The following TMEM131L variants were observed in gnomAD, a reference collection of about 807,000 sequenced individuals.
TMEM131L encodes the protein transmembrane protein 131-like.
Under a neutral mutation model 192.2 loss-of-function variants are expected in TMEM131L, and 54 were observed. The observed-to-expected ratio is 0.28, with a 90% confidence interval of 0.23 to 0.35. The LOEUF (loss-of-function observed/expected upper bound fraction) is 0.35. Among genes scored for constraint, TMEM131L ranks in the 10% least tolerant of loss-of-function variants. The pLI, the probability that TMEM131L is intolerant of heterozygous loss-of-function variation, is 1.00. For synonymous variants in TMEM131L, 701 were observed against 704.9 expected, an observed-to-expected ratio of 0.99 and a Z score of 0.09; for missense variants, 1,888 against 1,972.9, an observed-to-expected ratio of 0.96 and a Z score of 0.82.
chr4:153,549,291 T>A (rs1485733326), intron 3 of TMEM131L, among the ~76,000 whole-genome samples: 1 of 152,222 alleles, frequency 6.6e-6, no homozygotes, highest in Admixed American at 6.5e-5. Flanking sequence ...TTGGAAAGCT[T>A]GTTCCAGTCT....
intron 19 of TMEM131L, among the ~76,000 whole-genome samples, 160 bp from the exon 20 acceptor site, chr4:153,596,098 G>A (rs1731417907): frequency 2.6e-5 from 4 of 152,200 alleles, no homozygotes; most frequent in African/African-American, 7.2e-5. Context: ...CTGTTTATTG[G>A]AGTGAACTCT....
chr4:153,622,052 C>T (rs1352343565), intron 28 of TMEM131L, among the ~76,000 whole-genome samples: 1 of 152,162 alleles, frequency 6.6e-6, no homozygotes, highest in African/African-American at 2.4e-5. Context: ...CTAGTGCTGC[C>T]CCCCAGCCCC....
At chr4:153,570,872 T>C (rs915127915) in intron 7 of TMEM131L, among the ~76,000 whole-genome samples, 3 of 152,214 alleles carry the variant, frequency 2.0e-5, no homozygotes, top group Non-Finnish European at 2.9e-5. Context: ...TGTTGACACT[T>C]TGGAAGTGTG....
At chr4:153,622,366 A>G (rs928476649) in intron 28 of TMEM131L, among the ~76,000 whole-genome samples, 19 of 152,204 alleles carry the variant, frequency 1.2e-4, no homozygotes, top group Non-Finnish European at 2.9e-5. Context: ...CCTCCCAACC[A>G]ACACCCACTT....
Position 153,631,131 on chromosome 4 carries a change from G to C in TMEM131L, c.4208-1587G>C, listed in dbSNP as rs573464221. 5.3e-5 allele frequency among the ~76,000 whole-genome samples: 8 copies of C among 152,338 alleles called. No homozygotes were observed. The East Asian group carries it at 1.5e-3, about 29-fold the overall frequency. The stretch of plus-strand genomic sequence containing the variant: ...ATCAAAATGGTTGTGGTCCTTTTCA[G>C]TTCTGCATGGTGGGCATTGAGGTGG... On this transcript the variant is annotated intron_variant, in intron 31 of 34. Coordinates refer to ENST00000409959, the MANE Select transcript of TMEM131L (RefSeq NM_001131007.2).
chr4:153,529,421 G>A (rs1735732232), intron 3 of TMEM131L, among the ~76,000 whole-genome samples: 1 of 152,186 alleles, frequency 6.6e-6, no homozygotes, highest in Admixed American at 6.5e-5. Context: ...ACTTTAGTCA[G>A]TGTATATGTT....
intron 31 of TMEM131L, among the ~76,000 whole-genome samples, chr4:153,630,525 G>A (rs974265680): frequency 1.2e-4 from 18 of 152,222 alleles, no homozygotes; most frequent in African/African-American, 4.3e-4. Context: ...CCTGCAAGGA[G>A]AACATCTGGA....
chr4:153,544,029 C>T (rs1466268324), intron 3 of TMEM131L, among the ~76,000 whole-genome samples: 1 of 152,368 alleles, frequency 6.6e-6, no homozygotes, highest in East Asian at 1.9e-4. Context: ...AACCTTTCCT[C>T]TTGTCCATGC....
At chr4:153,619,092 C>T (rs1223046064) in intron 26 of TMEM131L, among the ~76,000 whole-genome samples, 1 of 152,196 alleles carries the variant, frequency 6.6e-6, no homozygotes, top group East Asian at 1.9e-4. Context: ...AATGTACTCA[C>T]CCTTTCGCTT....
chr4:153,635,392 A>T (rs770262996), intron 33 of TMEM131L, 40 bp from the exon 34 acceptor site: 5 of 1,601,736 alleles, frequency 3.1e-6, no homozygotes, highest in Non-Finnish European at 4.3e-6. Context: ...GTTCTCAATG[A>T]AAATGTTTAC....
At chr4:153,536,696 TTGTCTGTC>T (rs201028265) in intron 3 of TMEM131L, among the ~76,000 whole-genome samples, 1 of 151,226 alleles carries the variant, frequency 6.6e-6, no homozygotes, top group Admixed American at 6.6e-5. Flanking sequence ...GCTATCTGTC[TTGTCTGTC>T]TGTCTGTCTA....
chr4:153,470,406 T>C (rs573890664), intron 2 of TMEM131L, among the ~76,000 whole-genome samples: 29 of 152,340 alleles, frequency 1.9e-4, no homozygotes, highest in African/African-American at 5.5e-4. Flanking sequence ...CTCAGCACTA[T>C]TGTGTGCTCT....
At chr4:153,561,244 G>A (rs1401829875) in intron 7 of TMEM131L, among the ~76,000 whole-genome samples, 1 of 152,100 alleles carries the variant, frequency 6.6e-6, no homozygotes, top group Admixed American at 6.5e-5. Flanking sequence ...TCTTTTTATT[G>A]TTGAGTAGTA....
intron 4 of TMEM131L, among the ~76,000 whole-genome samples, chr4:153,551,963 C>T (rs1262436052): frequency 6.6e-6 from 1 of 151,996 alleles, no homozygotes; most frequent in Non-Finnish European, 1.5e-5. Flanking sequence ...AATCCCAGCA[C>T]TCTGGGAGCC....
chr4:153,485,139 A>G (rs2149825490), intron 3 of TMEM131L, among the ~76,000 whole-genome samples: 1 of 151,662 alleles, frequency 6.6e-6, no homozygotes, highest in Non-Finnish European at 1.5e-5. Flanking sequence ...AAAAAAAAAA[A>G]AAAAAATCAG....
rs190111014 is a variant in TMEM131L at position 153,546,693 on chromosome 4, C to T, written c.240-3380C>T. Among the ~76,000 whole-genome samples the T allele has an allele frequency of 9.5e-4, 145 of 152,294 alleles. 2 individuals carry two copies. The East Asian group carries it at 0.026, about 27-fold the overall frequency. Reference sequence around the variant, plus strand: ...CTGTAATCCCAGCACTCTGGGAGGCCGAGGCGGGCAGATCACCTGAGGTCA... The same window carrying T: ...CTGTAATCCCAGCACTCTGGGAGGCTGAGGCGGGCAGATCACCTGAGGTCA... On this transcript the variant is annotated intron_variant, in intron 3 of 34. Coordinates refer to ENST00000409959, the MANE Select transcript of TMEM131L (RefSeq NM_001131007.2).
chr4:153,531,908 C>T (rs1735928352), intron 3 of TMEM131L, among the ~76,000 whole-genome samples: 1 of 152,222 alleles, frequency 6.6e-6, no homozygotes, highest in African/African-American at 2.4e-5. Flanking sequence ...ACCACCTCCC[C>T]ACCAAACCCC....
At chr4:153,561,630 A>C (rs1051404217) in intron 7 of TMEM131L, among the ~76,000 whole-genome samples, 4 of 152,184 alleles carry the variant, frequency 2.6e-5, no homozygotes, top group Admixed American at 2.6e-4. Context: ...TTCTTTGTAC[A>C]TTGAATTGTC....
intron 23 of TMEM131L, 117 bp downstream of exon 23, chr4:153,602,844 T>A (rs2126355884): frequency 1.1e-6 from 1 of 890,666 alleles, no homozygotes; most frequent in South Asian, 1.6e-5. Flanking sequence ...GTGGAATTGT[T>A]ACTGCTTCAA....
Sources: allele counts gnomAD v4.1 joint callset (sites outside exome capture counted in the v4.1 genomes callset), GRCh38; gene constraint gnomAD v4.1.1; transcripts MANE v1.5; gene names NCBI Gene and HGNC (gene_info 2026-07-23, HGNC 2026-07-21).